Variants in ORC1 observed in about 807,000 individuals in gnomAD.
ORC1 encodes the protein origin recognition complex, subunit 1 homolog.
A neutral mutation model predicts 98.9 loss-of-function variants in ORC1; 61 were observed. The observed-to-expected ratio is 0.62, with a 90% CI of 0.50 to 0.76. The LOEUF (loss-of-function observed/expected upper bound fraction) is 0.76. ORC1 is among the 30% of genes least tolerant of loss of function. The probability of loss-of-function intolerance (pLI) is 0.00; values close to 1 mark genes in which losing one functional copy is unlikely to be tolerated. For missense variants in ORC1, 979 were observed against 1,072.2 expected, an observed-to-expected ratio of 0.91 and a Z score of 1.21; for synonymous variants, 385 against 406.9, an observed-to-expected ratio of 0.95 and a Z score of 0.65.
chr1:52,381,133 T>A (rs541499087), intron 14 of ORC1, among the ~76,000 whole-genome samples: 82 of 152,312 alleles, frequency 5.4e-4, no homozygotes, highest in Admixed American at 8.5e-4. Flanking sequence ...TCAGGGAGCA[T>A]TCTCCTATTA....
At chr1:52,392,406 G>A (rs942169145) in intron 6 of ORC1, among the ~76,000 whole-genome samples, 25 of 152,068 alleles carry the variant, frequency 1.6e-4, no homozygotes, top group Admixed American at 5.2e-4. Context: ...AGGATTACAG[G>A]AGTGAGCCAC....
intron 16 of ORC1, among the ~76,000 whole-genome samples, chr1:52,373,751 G>C: frequency 6.6e-6 from 1 of 152,156 alleles, no homozygotes; most frequent in East Asian, 1.9e-4. Flanking sequence ...CAGGGGCTGA[G>C]AGTTTCATAA....
chr1:52,376,097 C>T (rs1233575642), intron 14 of ORC1, among the ~76,000 whole-genome samples: 5 of 152,140 alleles, frequency 3.3e-5, no homozygotes, highest in East Asian at 1.9e-4. Flanking sequence ...AGGGGCTGGA[C>T]GCGGTGGCTC....
In ORC1 at chr1:52,391,491, C is replaced by T. The variant is rs1357038193; in HGVS notation, c.1082+1952G>A. 4.6e-5 allele frequency among the ~76,000 whole-genome samples: 7 copies of T among 152,226 alleles called. No homozygotes were observed. The East Asian group carries it at 1.4e-3, about 29-fold the overall frequency. ...AGCAAAAGAAATAATCAGCAGACAA[C>T]CCACAGAGTGGGAGAAAATATTTGC... On this transcript the variant is annotated intron_variant, in intron 6 of 16. Coordinates refer to ENST00000371568, the MANE Select transcript of ORC1 (RefSeq NM_004153.4).
chr1:52,391,856 C>A (rs183280702), intron 6 of ORC1, among the ~76,000 whole-genome samples: 1 of 151,016 alleles, frequency 6.6e-6, no homozygotes, highest in Non-Finnish European at 1.5e-5. Context: ...CAAGATCGCA[C>A]CACTGCACTC....
chr1:52,391,952 A>G (rs1331492669), intron 6 of ORC1, among the ~76,000 whole-genome samples: 1 of 152,102 alleles, frequency 6.6e-6, no homozygotes, highest in East Asian at 1.9e-4. Context: ...TGAATAGACA[A>G]TTCACAAAAG....
intron 13 of ORC1, 152 bp from the exon 14 acceptor site, chr1:52,381,913 A>C: frequency 1.3e-6 from 1 of 756,118 alleles, no homozygotes; most frequent in Non-Finnish European, 2.3e-6. Flanking sequence ...TTTACTGACA[A>C]TGACCAGTGG....
At chr1:52,399,306 T>C (rs746244157) in intron 3 of ORC1, among the ~76,000 whole-genome samples, 3 of 151,864 alleles carry the variant, frequency 2.0e-5, no homozygotes, top group Non-Finnish European at 4.4e-5. Context: ...CTGCCCAACA[T>C]GGTGAGACCT....
At position 52,375,566 on chromosome 1, in the gene ORC1, G is replaced by A; in HGVS notation, c.2167C>T (p.Leu723=). The change falls in exon 15 of 17, where the codon CTG becomes TTG. Residue 723 remains leucine, a synonymous_variant. Transcript: ENST00000371568. ...TCTGTGGCACGCCTGCAGATGTCCA[G>A]GCACCGTCGTGCATCTCCAGACAGT... is the stretch of plus-strand genomic sequence containing the variant. ...AALSGDARRC[L]DICRRATEIC... The A allele has an allele frequency of 6.2e-7, 1 of 1,614,132 alleles. No homozygotes were observed. The highest frequency in any genetic ancestry group is 8.5e-7 in the Non-Finnish European group (1 of 1,180,032).
rs769496559 is a variant in ORC1 at position 52,385,923 on chromosome 1, G to A, written c.1410C>T (p.Ala470=). ...KSLKPRTPRC[A]APQIRSRSLA... The stretch of plus-strand genomic sequence containing the variant: ...GGCTTCGACTACGGATCTGAGGAGC[G>A]GCACAACGTGGCGTTCTAGGCTTGA... Residue 470 remains alanine (A), a synonymous_variant, in exon 9 of 17, where the codon GCC becomes GCT. Coordinates refer to ENST00000371568, the MANE Select transcript of ORC1 (RefSeq NM_004153.4). 1.1e-5 allele frequency: 18 copies of A among 1,613,604 alleles called. No individual in the cohort carries two copies. Among genetic ancestry groups the A allele is most frequent in the East Asian group, 2.2e-5 (1 of 44,878 alleles).
chr1:52,386,136 G>A (rs1263229661), intron 8 of ORC1, among the ~76,000 whole-genome samples, 187 bp from the exon 9 acceptor site: 3 of 152,064 alleles, frequency 2.0e-5, no homozygotes, highest in East Asian at 1.9e-4. Context: ...TTTGTTCATC[G>A]TCCAAATATG....
Position 52,402,182 on chromosome 1 carries a change from A to G in ORC1, c.42T>C (p.Tyr14=), listed in dbSNP as rs1431067797. ...YPTRLKTRKT[Y]SWVGRPLLDR... ...CCAACAAGGGCCTGCCAACCCATGA[A>G]TAAGTTTTTCTGGTCTTCAGCCTTG... Residue 14 remains tyrosine (Y), a synonymous_variant, in exon 2 of 17, where the codon TAT becomes TAC. Coordinates refer to ENST00000371568, the MANE Select transcript of ORC1 (RefSeq NM_004153.4). 8.1e-6 allele frequency: 13 copies of G among 1,614,074 alleles called. No individual in the cohort carries two copies. The highest frequency in any genetic ancestry group is 6.7e-5 in the Admixed American group (4 of 60,006).
At chr1:52,400,240 C>G (rs1186706378) in intron 3 of ORC1, among the ~76,000 whole-genome samples, 1 of 152,192 alleles carries the variant, frequency 6.6e-6, no homozygotes, top group African/African-American at 2.4e-5. Context: ...CTTGAACCTG[C>G]AGATGCTGCC....
intron 14 of ORC1, among the ~76,000 whole-genome samples, chr1:52,378,915 C>T (rs1647028115): frequency 6.6e-6 from 1 of 151,544 alleles, no homozygotes. Flanking sequence ...CACCTGTAGT[C>T]CCAGCTACTC....
chr1:52,379,528 C>A (rs1647035631), intron 14 of ORC1, among the ~76,000 whole-genome samples: 1 of 151,856 alleles, frequency 6.6e-6, no homozygotes, highest in Non-Finnish European at 1.5e-5. Flanking sequence ...CAGGCGTGAG[C>A]CACCGCACCC....
At position 52,393,550 on chromosome 1, in the gene ORC1, C is replaced by T. The variant is rs376431738; in HGVS notation, c.975G>A (p.Ser325=). ...RIILRTRIAA[S]KTIDIREERT... ...TCTCCTCTCTAATGTCTATGGTTTT[C>T]GAAGCTGCAATTCGGGTTCTCAGGA... Residue 325 remains serine, a synonymous_variant, in exon 6 of 17, where the codon TCG becomes TCA. Transcript: ENST00000371568. The T allele has an allele frequency of 8.7e-6, 14 of 1,614,020 alleles. No homozygotes were observed. The highest frequency in any genetic ancestry group is 8.0e-5 in the African/African-American group (6 of 74,904).
intron 13 of ORC1, 127 bp from the exon 14 acceptor site, chr1:52,381,888 T>TA (rs1213692841): frequency 1.1e-6 from 1 of 875,364 alleles, no homozygotes; most frequent in Non-Finnish European, 1.9e-6. Flanking sequence ...ATTTCATACC[T>TA]AGACTACCAC....
At chr1:52,382,972 G>A (rs1647092382) in intron 13 of ORC1, among the ~76,000 whole-genome samples, 1 of 152,092 alleles carries the variant, frequency 6.6e-6, no homozygotes, top group African/African-American at 2.4e-5. Context: ...GATGTTTGCA[G>A]AAAATCATGC....
At chr1:52,383,744 G>C in intron 12 of ORC1, 86 bp downstream of exon 12, 1 of 1,330,160 alleles carries the variant, frequency 7.5e-7, no homozygotes. Flanking sequence ...ATGGAGAAGG[G>C]AGCCAGGACT....
Sources: gnomAD v4.1 joint callset for allele counts (sites outside exome capture counted in the v4.1 genomes callset) on GRCh38, gnomAD v4.1.1 for gene constraint, MANE v1.5 for transcripts, NCBI Gene and HGNC (gene_info 2026-07-23, HGNC 2026-07-21) for gene names.